Variants in PCSK5 observed in about 807,000 individuals in gnomAD.
PCSK5 encodes the protein prohormone convertase 5.
A neutral mutation model predicts 233.2 loss-of-function variants in PCSK5; 129 were observed. The observed-to-expected ratio is 0.55, with a 90% CI of 0.48 to 0.64. The LOEUF (loss-of-function observed/expected upper bound fraction) is 0.64, where lower values mean the gene tolerates loss of function less well. Among genes scored for constraint, PCSK5 ranks in the 30% least tolerant of loss-of-function variants. The pLI, the probability that PCSK5 is intolerant of heterozygous loss-of-function variation, is 0.00. For missense variants in PCSK5, 2,076 were observed against 2,430.1 expected (o/e 0.85, Z 3.06); for synonymous variants, 825 against 879.2 (o/e 0.94, Z 1.09).
chr9:76,225,177 C>T (rs559259906), intron 20 of PCSK5, among the ~76,000 whole-genome samples: 1 of 152,256 alleles, frequency 6.6e-6, no homozygotes, highest in South Asian at 2.1e-4. Flanking sequence ...AGTAGAAGTC[C>T]CTTGGCTAGC....
intron 36 of PCSK5, among the ~76,000 whole-genome samples, chr9:76,351,447 GGAAAGAAAGAAAGAAAGAAA>G (rs771387185): frequency 0.029 from 795 of 27,424 alleles, 36 homozygotes; most frequent in Middle Eastern, 0.043. Context: ...GTGAAAGAAA[GGAAAGAAAGAAAGAAAGAAA>G]GAAAGAAAGA....
Position 76,358,884 on chromosome 9 carries a change from C to T in PCSK5, c.5626C>T (p.Leu1876=). 2 of 1,612,764 alleles carry T rather than the reference C, an allele frequency of 1.2e-6. No individual in the cohort carries two copies. Among genetic ancestry groups the T allele is most frequent in the Middle Eastern group, 1.6e-4 (1 of 6,062 alleles). Residue 1876 remains leucine, a synonymous_variant, in exon 38 of 38, where the codon CTG becomes TTG. Transcript: ENST00000674117. ...GCTGGATGACGATGACATAGATGAG[C>T]TGGAATATGATGACGAGAGTTACTC... The part of the protein sequence containing the change: ...GLLDDDDIDE[L]EYDDESYSYY...
intron 25 of PCSK5, 36 bp from the exon 26 acceptor site, chr9:76,295,239 A>G: frequency 6.3e-7 from 1 of 1,581,570 alleles, no homozygotes; most frequent in South Asian, 1.1e-5. Flanking sequence ...ATACATCAAC[A>G]TAAGTCATGA....
At chr9:76,095,819 C>A in intron 7 of PCSK5, 71 bp from the exon 8 acceptor site, 1 of 1,381,072 alleles carries the variant, frequency 7.2e-7, no homozygotes, top group Non-Finnish European at 1.0e-6. Context: ...CTCAGTTTGG[C>A]TCAGTGGATT....
intron 15 of PCSK5, 93 bp downstream of exon 15, chr9:76,179,791 TG>T: frequency 1.2e-6 from 1 of 833,870 alleles, no homozygotes; most frequent in Non-Finnish European, 2.0e-6. Flanking sequence ...TGCAGGCCAC[TG>T]GCATCTTCCA....
rs369223090 is a variant in PCSK5, at chr9:76,239,017, G to A, written c.2925G>A (p.Glu975=). The A allele has an allele frequency of 6.2e-7, 1 of 1,612,126 alleles. No homozygotes were observed. Among genetic ancestry groups the A allele is most frequent in the Non-Finnish European group, 8.5e-7 (1 of 1,179,690 alleles). ...YQGECGDSCP[E]GHYATEGNTC... Reference sequence around the variant, plus strand: ...GAGAGTGTGGAGATAGCTGCCCAGAGGGCCACTATGCCACTGAGGGGAACA... The same window carrying A: ...GAGAGTGTGGAGATAGCTGCCCAGAAGGCCACTATGCCACTGAGGGGAACA... The change falls in exon 23 of 38, where the codon GAG becomes GAA. Residue 975 remains glutamate (E), a synonymous_variant. Transcript: ENST00000674117.
At chr9:75,914,234 G>C (rs2131238971) in intron 1 of PCSK5, among the ~76,000 whole-genome samples, 1 of 152,280 alleles carries the variant, frequency 6.6e-6, no homozygotes, top group African/African-American at 2.4e-5. Flanking sequence ...AGGGCTCTGA[G>C]ATGTGAGAGT....
rs1214292897 is a variant in PCSK5, at chr9:75,915,027, ATGAT to A, written c.193-17344_193-17341del. Among the ~76,000 whole-genome samples the A allele has an allele frequency of 5.9e-5, 9 of 152,320 alleles. No homozygotes were observed. In the East Asian group the frequency reaches 1.5e-3, roughly 26 times the overall value. Reference sequence around the variant, plus strand: ...TGGTGACTGTTTAGGAATAAGGTAAATGATTGATTGAACGGCTAAAGCATGCCCA... The same window carrying A: ...TGGTGACTGTTTAGGAATAAGGTAAATGATTGAACGGCTAAAGCATGCCCA... On this transcript the variant is annotated intron_variant, in intron 1 of 37. Transcript: ENST00000674117.
intron 20 of PCSK5, among the ~76,000 whole-genome samples, chr9:76,204,803 G>A (rs1363428284): frequency 3.3e-5 from 5 of 152,176 alleles, no homozygotes; most frequent in Admixed American, 6.5e-5. Flanking sequence ...CAGTTGAAGA[G>A]GCAGGACAAA....
At chr9:76,041,912 C>T (rs1196454236) in intron 5 of PCSK5, among the ~76,000 whole-genome samples, 1 of 151,558 alleles carries the variant, frequency 6.6e-6, no homozygotes, top group Non-Finnish European at 1.5e-5. Context: ...ACCCTTTCTA[C>T]AATATGCTGT....
At chr9:76,075,701 G>T (rs1353347420) in intron 7 of PCSK5, among the ~76,000 whole-genome samples, 1 of 152,142 alleles carries the variant, frequency 6.6e-6, no homozygotes, top group African/African-American at 2.4e-5. Context: ...ATTATTTAAG[G>T]AATGAAGAAA....
At chr9:76,041,843 G>GAA (rs66491707) in intron 5 of PCSK5, among the ~76,000 whole-genome samples, 29,719 of 130,628 alleles carry the variant, frequency 0.23, 4,435 homozygotes, top group African/African-American at 0.42. Flanking sequence ...TGTCTCAAGG[G>GAA]AAAAAAAAAA....
At chr9:76,178,141 ACTTCAGTC>A (rs1195954105) in intron 14 of PCSK5, among the ~76,000 whole-genome samples, 1 of 152,144 alleles carries the variant, frequency 6.6e-6, no homozygotes, top group Non-Finnish European at 1.5e-5. Flanking sequence ...AGCTGGCTGA[ACTTCAGTC>A]CATAGACAGC....
intron 24 of PCSK5, among the ~76,000 whole-genome samples, chr9:76,253,892 C>A (rs544258258): frequency 1.3e-5 from 2 of 152,260 alleles, no homozygotes; most frequent in South Asian, 4.2e-4. Flanking sequence ...CTTAGAAGCT[C>A]TTTGTTATAA....
chr9:76,096,236 G>C (rs1202220310), intron 8 of PCSK5, 134 bp downstream of exon 8: 2 of 636,550 alleles, frequency 3.1e-6, no homozygotes, highest in Non-Finnish European at 5.4e-6. Context: ...ATGGAAATAG[G>C]AAATTAGATT....
At chr9:76,253,731 T>C (rs1307063615) in intron 24 of PCSK5, among the ~76,000 whole-genome samples, 1 of 152,200 alleles carries the variant, frequency 6.6e-6, no homozygotes, top group East Asian at 1.9e-4. Flanking sequence ...AACCCAACAA[T>C]TTTTACATAT....
chr9:76,111,143 A>G (rs1393768560), intron 9 of PCSK5, among the ~76,000 whole-genome samples: 4 of 152,190 alleles, frequency 2.6e-5, no homozygotes, highest in Non-Finnish European at 5.9e-5. Context: ...AAAAAAGAGA[A>G]ATAACTTTGC....
chr9:76,044,783 A>C (rs891282423), intron 5 of PCSK5, among the ~76,000 whole-genome samples: 1 of 152,230 alleles, frequency 6.6e-6, no homozygotes. Context: ...TTAAGTGTGC[A>C]AATAGTCAAA....
rs1563992997 is a variant in PCSK5 at position 76,046,173 on chromosome 9, T to TG, written c.632+19136_632+19137insG. 6.4e-3 allele frequency among the ~76,000 whole-genome samples: 544 copies of TG among 84,486 alleles called. 2 individuals are homozygous for TG. The highest frequency in any genetic ancestry group is 9.9e-3 in the Non-Finnish European group (415 of 41,790). 55.4% of individuals were successfully genotyped at this position (84,486 alleles called of 152,430 possible). ...ATTTTTTCTTTTGTTTTTTTTTTTT[T>TG]TTTTTTTTTTTTTTTTTTTTTTGAG... On this transcript the variant is annotated intron_variant, in intron 5 of 37. Coordinates refer to ENST00000674117, the MANE Select transcript of PCSK5 (RefSeq NM_001372043.1).
Sources: gnomAD v4.1 joint callset for allele counts (sites outside exome capture counted in the v4.1 genomes callset) on GRCh38, gnomAD v4.1.1 for gene constraint, MANE v1.5 for transcripts, NCBI Gene and HGNC (gene_info 2026-07-23, HGNC 2026-07-21) for gene names.